Variants in SOX5 observed in about 807,000 individuals in gnomAD.
SOX5 encodes transcription factor SOX-5.
SOX5 carries 9 observed loss-of-function variants against 92.0 expected under a neutral mutation model. The observed-to-expected ratio is 0.10, with a 90% CI of 0.06 to 0.17. The LOEUF (loss-of-function observed/expected upper bound fraction) is 0.17, where lower values mean the gene tolerates loss of function less well. Ranked by LOEUF, SOX5 falls within the 10% of genes least tolerant of loss-of-function variation. The pLI is 1.00. For missense variants in SOX5, 642 were observed against 944.5 expected (o/e 0.68, Z 4.20); for synonymous variants, 344 against 336.3 (o/e 1.02, Z -0.25).
intron 6 of SOX5, among the ~76,000 whole-genome samples, chr12:23,730,965 G>T (rs1567294036): frequency 6.6e-6 from 1 of 152,214 alleles, no homozygotes; most frequent in Non-Finnish European, 1.5e-5. Flanking sequence ...TAGCACGTGA[G>T]TCTAAGTGGC....
At chr12:23,653,030 A>ATG (rs2081841920) in intron 7 of SOX5, among the ~76,000 whole-genome samples, 8 of 115,762 alleles carry the variant, frequency 6.9e-5, no homozygotes, top group African/African-American at 2.4e-4. Flanking sequence ...ATGTACAGAT[A>ATG]GATGGATGGA....
In SOX5 at chr12:23,532,211, C is replaced by CAA. The variant is rs1939247361; in HGVS notation, c.*2006_*2007dup. The stretch of plus-strand genomic sequence containing the variant: ...CATCAAAAACAAACAAACAGAAAAA[C>CAA]AAACAAAATGAAATCTCTGACATGC... On this transcript the variant is annotated 3_prime_UTR_variant, in exon 15 of 15. Coordinates refer to ENST00000451604, the MANE Select transcript of SOX5 (RefSeq NM_006940.6). 6.6e-6 allele frequency: 1 copy of CAA among 151,484 alleles called. No individual in the cohort carries two copies. The allele number at this position is 151,484 out of a possible 1,614,324, so 9.4% of individuals were successfully genotyped here.
chr12:24,224,999 C>T (rs1246384495), intron 3 of SOX5, among the ~76,000 whole-genome samples: 10 of 152,222 alleles, frequency 6.6e-5, no homozygotes, highest in East Asian at 3.9e-4. Flanking sequence ...CTCAGACTGC[C>T]GCCCCTGGGT....
chr12:23,764,075 G>A (rs2094638718), intron 3 of SOX5, among the ~76,000 whole-genome samples: 1 of 152,012 alleles, frequency 6.6e-6, no homozygotes, highest in South Asian at 2.1e-4. Context: ...GGGTGAAAGT[G>A]GAGAACAGGA....
chr12:23,723,579 T>TAC (rs1187456949), intron 6 of SOX5, among the ~76,000 whole-genome samples: 1 of 147,530 alleles, frequency 6.8e-6, no homozygotes, highest in Non-Finnish European at 1.5e-5. Context: ...TATATATATA[T>TAC]ATACACACAC....
At chr12:24,541,263 C>G (rs1952101151) in intron 1 of SOX5, among the ~76,000 whole-genome samples, 3 of 152,214 alleles carry the variant, frequency 2.0e-5, no homozygotes, top group Admixed American at 2.0e-4. Context: ...TTGAAAACTA[C>G]TAATATCCTG....
intron 8 of SOX5, among the ~76,000 whole-genome samples, chr12:23,621,755 T>G (rs937085106): frequency 1.1e-4 from 17 of 152,092 alleles, no homozygotes; most frequent in African/African-American, 4.1e-4. Context: ...AATCCAGTAA[T>G]GCCTTCCAAG....
At chr12:24,514,822 T>C (rs1312931177) in intron 1 of SOX5, among the ~76,000 whole-genome samples, 1 of 152,144 alleles carries the variant, frequency 6.6e-6, no homozygotes, top group Admixed American at 6.6e-5. Context: ...AAATATCGCG[T>C]GTTCTCACTC....
chr12:23,810,875 CT>C (rs1274545853), intron 3 of SOX5, among the ~76,000 whole-genome samples: 2 of 152,240 alleles, frequency 1.3e-5, no homozygotes, highest in African/African-American at 4.8e-5. Flanking sequence ...TTAATATATT[CT>C]TTTTGAGCTT....
intron 4 of SOX5, among the ~76,000 whole-genome samples, chr12:24,101,869 T>C (rs1377503615): frequency 6.6e-6 from 1 of 152,150 alleles, no homozygotes; most frequent in African/African-American, 2.4e-5. Context: ...ATCTCATCAT[T>C]CTTTTAACAA....
chr12:24,327,627 A>C (rs1244075951), intron 2 of SOX5, among the ~76,000 whole-genome samples: 2 of 151,256 alleles, frequency 1.3e-5, no homozygotes, highest in Non-Finnish European at 2.9e-5. Flanking sequence ...TCTGTCCCCC[A>C]GGCTGGAGTG....
intron 4 of SOX5, among the ~76,000 whole-genome samples, chr12:24,063,908 G>A (rs927646937): frequency 1.3e-5 from 2 of 152,012 alleles, no homozygotes; most frequent in Non-Finnish European, 2.9e-5. Context: ...TATAACCTAG[G>A]TCAATGAGGT....
At chr12:24,157,874 C>T (rs1952354865) in intron 4 of SOX5, among the ~76,000 whole-genome samples, 1 of 152,070 alleles carries the variant, frequency 6.6e-6, no homozygotes, top group Admixed American at 6.6e-5. Flanking sequence ...GAGTTTGCCT[C>T]TCCTTCTTTT....
At chr12:24,497,255 T>C (rs1460026416) in intron 1 of SOX5, among the ~76,000 whole-genome samples, 2 of 152,200 alleles carry the variant, frequency 1.3e-5, no homozygotes, top group Non-Finnish European at 2.9e-5. Context: ...GCTGAATAAA[T>C]GGCTACAAGG....
At chr12:23,545,095 G>A (rs1286352810) in intron 12 of SOX5, among the ~76,000 whole-genome samples, 1 of 152,208 alleles carries the variant, frequency 6.6e-6, no homozygotes, top group Non-Finnish European at 1.5e-5. Flanking sequence ...ATAGAATTAC[G>A]TGTTTCAACG....
intron 1 of SOX5, among the ~76,000 whole-genome samples, chr12:24,459,899 A>G (rs556112509): frequency 1.3e-5 from 2 of 152,350 alleles, no homozygotes; most frequent in African/African-American, 2.4e-5. Context: ...CGTACATTTT[A>G]TATCATACCT....
chr12:24,254,612 C>T (rs551494361), intron 3 of SOX5, among the ~76,000 whole-genome samples: 86 of 151,958 alleles, frequency 5.7e-4, no homozygotes, highest in Non-Finnish European at 9.0e-4. Flanking sequence ...ACTTGAAGTA[C>T]AGTTTCCATT....
intron 1 of SOX5, among the ~76,000 whole-genome samples, chr12:23,927,712 A>C (rs1393179611): frequency 2.0e-5 from 3 of 152,048 alleles, no homozygotes; most frequent in Non-Finnish European, 4.4e-5. Flanking sequence ...ATCCATCTTT[A>C]ACAAATATGT....
intron 3 of SOX5, among the ~76,000 whole-genome samples, chr12:24,239,021 C>G (rs1965066371): frequency 6.6e-6 from 1 of 152,160 alleles, no homozygotes; most frequent in Admixed American, 6.5e-5. Context: ...TTATAAGCAT[C>G]TGTTGATATA....
Sources: allele counts gnomAD v4.1 joint callset (sites outside exome capture counted in the v4.1 genomes callset), GRCh38; gene constraint gnomAD v4.1.1; transcripts MANE v1.5; gene names NCBI Gene and HGNC (gene_info 2026-07-23, HGNC 2026-07-21).